The following ZKSCAN3 variants were observed in gnomAD, a reference collection of about 807,000 sequenced individuals.
ZKSCAN3 encodes the protein zinc finger protein with KRAB and SCAN domains 3.
A neutral mutation model predicts 30.7 loss-of-function variants in ZKSCAN3; 21 were observed. The observed-to-expected ratio is 0.68, with a 90% CI of 0.49 to 0.99. The LOEUF is 0.99. Among genes scored for constraint, ZKSCAN3 ranks in the 50% least tolerant of loss-of-function variants. The probability of loss-of-function intolerance (pLI) is 0.00; values close to 1 mark genes in which losing one functional copy is unlikely to be tolerated. For synonymous variants in ZKSCAN3, 201 were observed against 246.7 expected (o/e 0.81, Z 1.73); for missense variants, 507 against 647.1 (o/e 0.78, Z 2.35).
intron 5 of ZKSCAN3, among the ~76,000 whole-genome samples, chr6:28,364,123 C>T (rs1765867563): frequency 6.6e-6 from 1 of 152,142 alleles, no homozygotes; most frequent in East Asian, 1.9e-4. Flanking sequence ...GCATGTACCA[C>T]CACACTTGGC....
intron 2 of ZKSCAN3, chr6:28,360,678 AAT>A: frequency 1.0e-6 from 1 of 985,366 alleles, no homozygotes; most frequent in Non-Finnish European, 1.2e-6. Context: ...GAGCCTTCTA[AAT>A]GGTGAGCTGG....
At position 28,365,930 on chromosome 6, in the gene ZKSCAN3, C is replaced by CT. The variant is rs1314132225; in HGVS notation, c.1263dup (p.Gly422TrpfsTer15). The CT allele has an allele frequency of 1.2e-6, 2 of 1,613,702 alleles. No individual in the cohort carries two copies. Among genetic ancestry groups the CT allele is most frequent in the Non-Finnish European group, 1.7e-6 (2 of 1,179,846 alleles). ...CTCCTTGAACATCACAGAATCCACACTGGGGAGAAGCCGTATCAGTGCAGT... is the reference window on the plus strand; with the variant it reads ...CTCCTTGAACATCACAGAATCCACACTTGGGGAGAAGCCGTATCAGTGCAGT... On this transcript the variant is annotated frameshift_variant, in exon 6 of 6. Transcript: ENST00000252211. LOFTEE classifies it low-confidence loss of function (END_TRUNC).
intron 4 of ZKSCAN3, 69 bp downstream of exon 4, chr6:28,363,454 C>T: frequency 6.8e-7 from 1 of 1,461,762 alleles, no homozygotes. Context: ...AGACTCCTCA[C>T]TCCCCATTCC....
intron 1 of ZKSCAN3, among the ~76,000 whole-genome samples, chr6:28,352,964 CTT>C (rs5875156): frequency 0.13 from 16,713 of 129,624 alleles, 1,062 homozygotes; most frequent in African/African-American, 0.24. Context: ...TTTTCTTTTT[CTT>C]TTTTTTTTTT....
chr6:28,352,316 A>AT (rs138730255), intron 1 of ZKSCAN3, among the ~76,000 whole-genome samples: 8,137 of 151,484 alleles, frequency 0.054, 450 homozygotes, highest in East Asian at 0.23. Context: ...GATTTAATTG[A>AT]TTTTTTTTTC....
chr6:28,353,955 G>A (rs1356958125), intron 1 of ZKSCAN3: 1 of 454,806 alleles, frequency 2.2e-6, no homozygotes, highest in Non-Finnish European at 4.4e-6. Context: ...ACTCGGGGCT[G>A]TAGGCAGGTA....
At chr6:28,363,923 A>G in intron 5 of ZKSCAN3, 108 bp downstream of exon 5, 1 of 1,420,334 alleles carries the variant, frequency 7.0e-7, no homozygotes, top group South Asian at 1.3e-5. Flanking sequence ...TTGGATTCAC[A>G]ATCACCATTT....
At chr6:28,360,072 C>G in intron 2 of ZKSCAN3, 84 bp downstream of exon 2, 2 of 1,607,288 alleles carry the variant, frequency 1.2e-6, no homozygotes, top group Non-Finnish European at 1.7e-6. Context: ...ATTCCTTTAA[C>G]ATCCAGGAGT....
At chr6:28,352,485 C>T (rs1462363775) in intron 1 of ZKSCAN3, among the ~76,000 whole-genome samples, 1 of 151,990 alleles carries the variant, frequency 6.6e-6, no homozygotes, top group Non-Finnish European at 1.5e-5. Flanking sequence ...ACTCCTGACC[C>T]CAGGAAATCT....
Position 28,359,578 on chromosome 6 carries a change from T to G in ZKSCAN3, c.-9T>G, listed in dbSNP as rs1431318056. On this transcript the variant is annotated 5_prime_UTR_variant, in exon 2 of 6. Coordinates refer to ENST00000252211, the MANE Select transcript of ZKSCAN3 (RefSeq NM_024493.4). ...CTAGAGTGAGGCCTGAGTACTGCCT[T>G]GGCCTAGGATGGCTAGAGAATTAAG... is the stretch of plus-strand genomic sequence containing the variant. 6.2e-7 allele frequency: 1 copy of G among 1,611,982 alleles called. No homozygotes were observed. The highest frequency in any genetic ancestry group is 2.2e-5 in the East Asian group (1 of 44,820).
At chr6:28,364,537 G>A (rs1432364938) in intron 5 of ZKSCAN3, among the ~76,000 whole-genome samples, 2 of 152,160 alleles carry the variant, frequency 1.3e-5, no homozygotes, top group Non-Finnish European at 2.9e-5. Flanking sequence ...AGAGATGAAG[G>A]TGCAGAGGCT....
chr6:28,356,612 G>A (rs920543080), intron 1 of ZKSCAN3, among the ~76,000 whole-genome samples: 2 of 152,222 alleles, frequency 1.3e-5, no homozygotes, highest in African/African-American at 4.8e-5. Context: ...CACTGGGTGA[G>A]CCTGTAATGG....
Position 28,365,812 on chromosome 6 carries a change from A to G in ZKSCAN3, c.1144A>G (p.Ser382Gly). 1 of 1,614,242 alleles carries G rather than the reference A, an allele frequency of 6.2e-7. No individual in the cohort carries two copies. The highest frequency in any genetic ancestry group is 8.5e-7 in the Non-Finnish European group (1 of 1,180,034). Residue 382 changes from serine to glycine, a missense_variant, in exon 6 of 6, where the codon AGC becomes GGC. Ser to Gly is a moderately conservative substitution (Grantham distance 56). Coordinates refer to ENST00000252211, the MANE Select transcript of ZKSCAN3 (RefSeq NM_024493.4). Reference sequence around the variant, plus strand: ...AGAATGTGGTAAGGCCTTCAGTCATAGCTCAGACCTTATCAAGCATCAGAG... The same window carrying G: ...AGAATGTGGTAAGGCCTTCAGTCATGGCTCAGACCTTATCAAGCATCAGAG... ...CEECGKAFSH[S>G]SDLIKHQRTH...
rs11457679 is a variant in ZKSCAN3, at chr6:28,367,885, A to ATT, written c.*1611_*1612dup. ...TAGGCGTCCGCCTCCACGCCGGGCT[A>ATT]TTTTTTTTTTTTATTTTATACTTTA... On this transcript the variant is annotated 3_prime_UTR_variant, in exon 6 of 6. Coordinates refer to ENST00000252211, the MANE Select transcript of ZKSCAN3 (RefSeq NM_024493.4). 558 of 147,196 alleles carry ATT rather than the reference A, an allele frequency of 3.8e-3. 4 individuals carry two copies. Among genetic ancestry groups the ATT allele is most frequent in the African/African-American group, 9.7e-3 (392 of 40,268 alleles). 9.1% of individuals were successfully genotyped at this position (147,196 alleles called of 1,614,324 possible). A position where few individuals can be genotyped will look rare whatever the true frequency, so the allele number is the denominator to read the frequency against.
rs574536080 is a variant in ZKSCAN3, at chr6:28,359,784, G to A, written c.198G>A (p.Arg66=). 9 of 1,614,210 alleles carry A rather than the reference G, an allele frequency of 5.6e-6. No individual in the cohort carries two copies. The East Asian group carries it at 2.0e-4, about 36-fold the overall frequency. ...CAGGCCCCCGCGAGGCGCTGAGTCGGCTCCGAGAGCTCTGCCGACAGTGGC... is the reference window on the plus strand; with the variant it reads ...CAGGCCCCCGCGAGGCGCTGAGTCGACTCCGAGAGCTCTGCCGACAGTGGC... ...EAAGPREALS[R]LRELCRQWLQ... The change falls in exon 2 of 6, where the codon CGG becomes CGA. Residue 66 remains arginine (R), a synonymous_variant. Coordinates refer to ENST00000252211, the MANE Select transcript of ZKSCAN3 (RefSeq NM_024493.4).
chr6:28,361,993 G>A (rs1765788934), intron 3 of ZKSCAN3, among the ~76,000 whole-genome samples: 1 of 152,174 alleles, frequency 6.6e-6, no homozygotes, highest in South Asian at 2.1e-4. Context: ...TGGATTTGAG[G>A]TCTCACCATG....
Position 28,351,056 on chromosome 6 carries a change from A to C in ZKSCAN3, c.-63+989A>C, listed in dbSNP as rs1764976750. Among the ~76,000 whole-genome samples, 1 of 152,160 alleles carries C rather than the reference A, an allele frequency of 6.6e-6. No individual in the cohort carries two copies. The highest frequency in any genetic ancestry group is 2.1e-4 in the South Asian group (1 of 4,832). Reference sequence around the variant, plus strand: ...AACTGGCTTCATACTAACACCCTTCATTTCAACCCAACTTTTACAGGGTTA... The same window carrying C: ...AACTGGCTTCATACTAACACCCTTCCTTTCAACCCAACTTTTACAGGGTTA... On this transcript the variant is annotated intron_variant, in intron 1 of 5. Coordinates refer to ENST00000252211, the MANE Select transcript of ZKSCAN3 (RefSeq NM_024493.4). The surrounding 1 kb of genome is among the most constrained non-coding windows in gnomAD (Gnocchi z 4.6).
rs747663992 is a variant in ZKSCAN3 at position 28,365,667 on chromosome 6, G to T, written c.999G>T (p.Arg333Ser). ...FAQSSGLSKH[R>S]RIHTGEKPYE... is the part of the protein sequence containing the mutation. ...AAAGCTCAGGCCTGAGTAAACACAG[G>T]AGAATCCACACTGGTGAGAAACCCT... Residue 333 changes from arginine to serine, a missense_variant, in exon 6 of 6, where the codon AGG (arginine) becomes AGT (serine). By Grantham distance (110) the Arg-to-Ser change is moderately radical. Coordinates refer to ENST00000252211, the MANE Select transcript of ZKSCAN3 (RefSeq NM_024493.4). The T allele has an allele frequency of 6.2e-7, 1 of 1,614,234 alleles. No individual in the cohort carries two copies. The highest frequency in any genetic ancestry group is 1.7e-5 in the Admixed American group (1 of 60,030).
At chr6:28,358,467 A>AT (rs916763311) in intron 1 of ZKSCAN3, among the ~76,000 whole-genome samples, 16 of 151,058 alleles carry the variant, frequency 1.1e-4, no homozygotes, top group Non-Finnish European at 1.5e-4. Context: ...TGTTTTTGTT[A>AT]TTTTTTTTTC....
Sources: gnomAD v4.1 joint callset for allele counts (sites outside exome capture counted in the v4.1 genomes callset) on GRCh38, gnomAD v4.1.1 for gene constraint, Gnocchi (gnomAD v3.1) non-coding constraint, MANE v1.5 for transcripts, NCBI Gene and HGNC (gene_info 2026-07-23, HGNC 2026-07-21) for gene names.